The following EEA1 variants were observed in gnomAD, a reference collection of about 807,000 sequenced individuals.
The protein encoded by EEA1 is early endosome antigen 1, also known as early endosome antigen 1, 162kD.
A neutral mutation model predicts 209.2 loss-of-function variants in EEA1; 111 were observed. The observed-to-expected ratio is 0.53, with a 90% CI of 0.45 to 0.62. EEA1 has a LOEUF of 0.62. Ranked by LOEUF, EEA1 falls within the 20% of genes least tolerant of loss-of-function variation. The pLI is 0.00. For missense variants in EEA1, 1,343 were observed against 1,530.8 expected (o/e 0.88, Z 2.05); for synonymous variants, 536 against 540.6 (o/e 0.99, Z 0.12).
At chr12:92,798,063 C>T (rs1365510211) in intron 21 of EEA1, among the ~76,000 whole-genome samples, 2 of 151,926 alleles carry the variant, frequency 1.3e-5, no homozygotes, top group East Asian at 1.9e-4. Context: ...TCCATTTTTA[C>T]CAACTCTTGG....
In EEA1 at chr12:92,809,137, A is replaced by C. The variant is rs201549024; in HGVS notation, c.2219T>G (p.Leu740Arg). The C allele has an allele frequency of 6.3e-7, 1 of 1,585,858 alleles. No homozygotes were observed. Among genetic ancestry groups the C allele is most frequent in the East Asian group, 2.3e-5 (1 of 43,718 alleles). ...GQIKKLEADS[L>R]EVKASKEQAL... Reference sequence around the variant, plus strand: ...CTGCTCCTTGCTTGCTTTAACTTCAAGACTATCAGCTTCTAGTTTCTATGA... The same window carrying C: ...CTGCTCCTTGCTTGCTTTAACTTCACGACTATCAGCTTCTAGTTTCTATGA... Residue 740 changes from leucine to arginine, a missense_variant, in exon 18 of 29, where the codon CTT becomes CGT. This residue lies in a region of EEA1 where 1,307 missense variants were observed against 1,465.5 expected (regional missense o/e 0.89). Transcript: ENST00000322349.
At chr12:92,925,620 G>A (rs917393273) in intron 1 of EEA1, among the ~76,000 whole-genome samples, 10 of 152,188 alleles carry the variant, frequency 6.6e-5, no homozygotes, top group Non-Finnish European at 1.5e-4. Context: ...TTAAATTCAT[G>A]TTTTTCTTTG....
intron 1 of EEA1, among the ~76,000 whole-genome samples, chr12:92,924,191 A>G (rs547021525): frequency 6.6e-6 from 1 of 151,534 alleles, no homozygotes; most frequent in Admixed American, 6.6e-5. Flanking sequence ...GCAGCAGCTA[A>G]CATTTAAGAC....
chr12:92,853,341 A>C (rs1355999736), intron 6 of EEA1, among the ~76,000 whole-genome samples: 1 of 152,176 alleles, frequency 6.6e-6, no homozygotes, highest in Non-Finnish European at 1.5e-5. Context: ...AAAAAGGAAT[A>C]CACCCCTTAT....
intron 1 of EEA1, among the ~76,000 whole-genome samples, chr12:92,906,505 G>A (rs992970724): frequency 6.6e-6 from 1 of 152,092 alleles, no homozygotes; most frequent in Non-Finnish European, 1.5e-5. Flanking sequence ...TATCTATAAG[G>A]ATTTCTTATA....
intron 1 of EEA1, among the ~76,000 whole-genome samples, chr12:92,900,462 A>G (rs981434498): frequency 6.6e-6 from 1 of 151,940 alleles, no homozygotes; most frequent in Admixed American, 6.6e-5. Context: ...AATGCCCACA[A>G]AATTTTCTTG....
At chr12:92,828,367 T>C (rs1482326956) in intron 11 of EEA1, among the ~76,000 whole-genome samples, 2 of 152,020 alleles carry the variant, frequency 1.3e-5, no homozygotes, top group Non-Finnish European at 2.9e-5. Flanking sequence ...TTCAGGAACT[T>C]AAAAGAATAA....
At chr12:92,858,832 C>T (rs1248320599) in intron 3 of EEA1, 16 of 757,468 alleles carry the variant, frequency 2.1e-5, no homozygotes, top group Middle Eastern at 2.4e-4. Context: ...AAGTGGCAGA[C>T]TTGTTATTGG....
chr12:92,825,348 G>A (rs1261613861), intron 13 of EEA1, among the ~76,000 whole-genome samples: 2 of 152,030 alleles, frequency 1.3e-5, no homozygotes, highest in Admixed American at 1.3e-4. Context: ...CTACTACCCG[G>A]GAGGCTGAGG....
At chr12:92,844,012 G>A (rs1180849954) in intron 9 of EEA1, among the ~76,000 whole-genome samples, 1 of 151,962 alleles carries the variant, frequency 6.6e-6, no homozygotes, top group African/African-American at 2.4e-5. Context: ...ATTTTATGGT[G>A]GCTTTGATTC....
intron 10 of EEA1, among the ~76,000 whole-genome samples, chr12:92,841,325 A>G (rs1025203548): frequency 6.6e-6 from 1 of 152,204 alleles, no homozygotes; most frequent in Non-Finnish European, 1.5e-5. Flanking sequence ...AAAATGGATC[A>G]AAAACCTAAA....
chr12:92,902,610 G>A lies in EEA1; in HGVS notation c.25-10889C>T, dbSNP rs538257695. 2.6e-4 allele frequency among the ~76,000 whole-genome samples: 40 copies of A among 152,134 alleles called. No individual in the cohort carries two copies. In the South Asian group the frequency reaches 7.5e-3, roughly 28 times the overall value. On this transcript the variant is annotated intron_variant, in intron 1 of 28. Transcript: ENST00000322349. ...ACAAAAATTAGCTGGGTGTGGTGGCGGGCGCTTGTAATCCAAGCTACTCAG... is the reference window on the plus strand; with the variant it reads ...ACAAAAATTAGCTGGGTGTGGTGGCAGGCGCTTGTAATCCAAGCTACTCAG...
intron 21 of EEA1, among the ~76,000 whole-genome samples, chr12:92,797,075 G>GTTT (rs552544403): frequency 1.3e-3 from 203 of 152,096 alleles, no homozygotes; most frequent in African/African-American, 4.8e-3. Flanking sequence ...TAAATTTTGG[G>GTTT]TGTTTTGGTT....
chr12:92,813,114 T>G (rs566626101), intron 15 of EEA1, 21 bp from the exon 16 acceptor site: 2 of 1,439,204 alleles, frequency 1.4e-6, no homozygotes, highest in South Asian at 1.3e-5. Context: ...ATTTACAAAT[T>G]ATTTAATTTA....
chr12:92,869,028 C>A (rs1386677731), intron 2 of EEA1, among the ~76,000 whole-genome samples: 2 of 151,952 alleles, frequency 1.3e-5, no homozygotes, highest in South Asian at 4.2e-4. Context: ...TTATTAAAAC[C>A]CATCATTCAT....
chr12:92,862,651 A>G (rs1878203990), intron 3 of EEA1, among the ~76,000 whole-genome samples: 1 of 147,304 alleles, frequency 6.8e-6, no homozygotes, highest in African/African-American at 2.4e-5. Context: ...GTACAAGACT[A>G]AAGATAGAGA....
chr12:92,837,563 G>GTATA (rs1047879864), intron 10 of EEA1, among the ~76,000 whole-genome samples: 4 of 152,174 alleles, frequency 2.6e-5, no homozygotes, highest in Non-Finnish European at 4.4e-5. Flanking sequence ...TGTAGTGACT[G>GTATA]TAGATAAGCA....
intron 2 of EEA1, among the ~76,000 whole-genome samples, chr12:92,881,480 T>C (rs1298876128): frequency 6.6e-6 from 1 of 151,968 alleles, no homozygotes; most frequent in Non-Finnish European, 1.5e-5. Flanking sequence ...GATGCAGTAC[T>C]GAGATACTAC....
In EEA1 at chr12:92,858,507, A is replaced by G. The variant is rs1021463416; in HGVS notation, c.246-1022T>C. 4.7e-6 allele frequency: 4 copies of G among 854,430 alleles called. No homozygotes were observed. The African/African-American group carries it at 6.6e-5, about 14-fold the overall frequency. 52.9% of individuals were successfully genotyped at this position (854,430 alleles called of 1,614,324 possible). ...CCAGGGCTTGATGTTTGGCTACGCCACTGATGAAACTGAGGAGTGTATGTA... is the reference window on the plus strand; with the variant it reads ...CCAGGGCTTGATGTTTGGCTACGCCGCTGATGAAACTGAGGAGTGTATGTA... On this transcript the variant is annotated intron_variant, in intron 3 of 28. Coordinates refer to ENST00000322349, the MANE Select transcript of EEA1 (RefSeq NM_003566.4).
Sources: allele counts gnomAD v4.1 joint callset (sites outside exome capture counted in the v4.1 genomes callset), GRCh38; gene constraint gnomAD v4.1.1; regional missense constraint gnomAD v4.1.1; transcripts MANE v1.5; gene names NCBI Gene and HGNC (gene_info 2026-07-23, HGNC 2026-07-21).